INSL6: variants seen among roughly 807,000 people sequenced by gnomAD.
INSL6 encodes insulin like 6.
A neutral mutation model predicts 9.4 loss-of-function variants in INSL6; 16 were observed. The ratio of observed to expected loss-of-function variants is 1.70; its 90% CI spans 1.15 to 2.59. INSL6 has a LOEUF of 2.59. Ranked by LOEUF, INSL6 falls within the 30% of genes most tolerant of loss-of-function variation. The pLI, the probability that INSL6 is intolerant of heterozygous loss-of-function variation, is 0.00. For synonymous variants in INSL6, 154 were observed against 96.9 expected, an observed-to-expected ratio of 1.59 and a Z score of -3.46; for missense variants, 391 against 257.3, an observed-to-expected ratio of 1.52 and a Z score of -3.56.
chr9:5,040,475 A>G, the INSL6 span, among the ~76,000 whole-genome samples: 2 of 152,268 alleles, frequency 1.3e-5, no homozygotes, highest in Non-Finnish European at 2.9e-5. Flanking sequence ...AGTTAAAAAC[A>G]TCTGTGTGTC....
chr9:5,149,608 A>G (rs945044675), intron 2 of INSL6, among the ~76,000 whole-genome samples: 1 of 152,216 alleles, frequency 6.6e-6, no homozygotes, highest in Non-Finnish European at 1.5e-5. Flanking sequence ...AAACAAATGG[A>G]AAAACGGCTG....
the INSL6 span, among the ~76,000 whole-genome samples, chr9:5,037,077 A>T: frequency 6.6e-6 from 1 of 152,358 alleles, no homozygotes; most frequent in Middle Eastern, 3.4e-3. Flanking sequence ...TTGAAAGAAG[A>T]CATTTATGCA....
chr9:5,142,554 T>C (rs1824522388), intron 2 of INSL6, among the ~76,000 whole-genome samples: 1 of 152,244 alleles, frequency 6.6e-6, no homozygotes, highest in Non-Finnish European at 1.5e-5. Context: ...ATTGATCTTG[T>C]ATCCTGAGGC....
At chr9:5,122,104 G>C (rs2130849948), downstream of INSL6, among the ~76,000 whole-genome samples, 4 of 152,268 alleles carry the variant, frequency 2.6e-5, no homozygotes, top group South Asian at 8.3e-4. Context: ...ACCTGGAGTA[G>C]GCAGGGAAGG....
At chr9:5,061,191 G>A in the INSL6 span, among the ~76,000 whole-genome samples, 1 of 152,186 alleles carries the variant, frequency 6.6e-6, no homozygotes, top group Non-Finnish European at 1.5e-5. Flanking sequence ...TGGGATTTTT[G>A]GAATGGTAAA....
At chr9:5,094,478 C>T in the INSL6 span, 1 of 152,140 alleles carries the variant, frequency 6.6e-6, no homozygotes, top group Non-Finnish European at 1.5e-5. Flanking sequence ...ACACTACGAG[C>T]TGTGGCCCAG....
the INSL6 span, chr9:5,041,944 C>G: frequency 2.6e-6 from 1 of 384,544 alleles, no homozygotes. Context: ...TTTCTTCCCC[C>G]TGAATCTTCT....
At chr9:5,181,646 C>T (rs369725326) in intron 1 of INSL6, among the ~76,000 whole-genome samples, 1 of 152,170 alleles carries the variant, frequency 6.6e-6, no homozygotes. Context: ...TGTCAAGCAA[C>T]AGCAATAGAC....
the INSL6 span, among the ~76,000 whole-genome samples, chr9:5,009,806 T>C: frequency 6.6e-6 from 1 of 152,076 alleles, no homozygotes; most frequent in Admixed American, 6.6e-5. Context: ...AGTCTTGCTC[T>C]GTTGCCCAGG....
chr9:5,098,439 A>AC, the INSL6 span: 1 of 152,128 alleles, frequency 6.6e-6, no homozygotes, highest in Non-Finnish European at 1.5e-5. Flanking sequence ...TTATTTTCCT[A>AC]ATTAGTTCCT....
At chr9:5,049,309 C>T in the INSL6 span, among the ~76,000 whole-genome samples, 2 of 152,174 alleles carry the variant, frequency 1.3e-5, no homozygotes, top group East Asian at 1.9e-4. Context: ...TACCTGCAGT[C>T]GGACCCCAAC....
chr9:5,129,961 G>C (rs149760661), intron 3 of INSL6, among the ~76,000 whole-genome samples: 13 of 152,020 alleles, frequency 8.6e-5, no homozygotes, highest in African/African-American at 3.1e-4. Flanking sequence ...AATTTCAGTT[G>C]TGTTTATGCC....
chr9:5,081,895 A>T, the INSL6 span: 1 of 1,554,170 alleles, frequency 6.4e-7, no homozygotes, highest in East Asian at 2.2e-5. Context: ...ATAGAGTATA[A>T]TCATTTCATT....
At chr9:5,127,177 A>AT (rs1824053677) in intron 3 of INSL6, 1 of 239,192 alleles carries the variant, frequency 4.2e-6, no homozygotes, top group Admixed American at 5.5e-5. Context: ...ACCACAGTGG[A>AT]TGTATAATAC....
the INSL6 span, among the ~76,000 whole-genome samples, chr9:5,057,577 T>C: frequency 7.9e-6 from 1 of 126,474 alleles, no homozygotes; most frequent in Non-Finnish European, 1.5e-5. Context: ...AGCATTCTAC[T>C]TTCTTTTTTT....
chr9:5,012,972 G>A, the INSL6 span, among the ~76,000 whole-genome samples: 2 of 152,056 alleles, frequency 1.3e-5, no homozygotes, highest in African/African-American at 2.4e-5. Context: ...AGTGTATGAT[G>A]GTAGTTGTGG....
At chr9:5,134,927 T>G (rs771036695) in intron 2 of INSL6, among the ~76,000 whole-genome samples, 6 of 152,150 alleles carry the variant, frequency 3.9e-5, no homozygotes, top group Non-Finnish European at 8.8e-5. Context: ...CAGTGTGCTG[T>G]GTTCAGGAGA....
At chr9:5,142,135 G>C (rs1824512988) in intron 2 of INSL6, among the ~76,000 whole-genome samples, 1 of 152,196 alleles carries the variant, frequency 6.6e-6, no homozygotes, top group Admixed American at 6.5e-5. Flanking sequence ...AGTGCAGTTT[G>C]AAATAGGGTA....
chr9:5,015,109 G>A, the INSL6 span, among the ~76,000 whole-genome samples: 2 of 152,120 alleles, frequency 1.3e-5, no homozygotes, highest in Admixed American at 1.3e-4. Flanking sequence ...TAAAGCTATA[G>A]TTCATTTATT....
Sources: allele counts gnomAD v4.1 joint callset (sites outside exome capture counted in the v4.1 genomes callset), GRCh38; gene constraint gnomAD v4.1.1; transcripts MANE v1.5; gene names NCBI Gene and HGNC (gene_info 2026-07-23, HGNC 2026-07-21).